The following USP34 variants were observed in gnomAD, a reference collection of about 807,000 sequenced individuals.
USP34 encodes the protein ubiquitin carboxyl-terminal hydrolase 34.
A neutral mutation model predicts 460.3 loss-of-function variants in USP34; 70 were observed. The ratio of observed to expected loss-of-function variants is 0.15; its 90% CI spans 0.13 to 0.19. USP34 has a LOEUF of 0.19. Among genes scored for constraint, USP34 ranks in the 10% least tolerant of loss-of-function variants. The probability of loss-of-function intolerance (pLI) is 1.00; values close to 1 mark genes in which losing one functional copy is unlikely to be tolerated. For synonymous variants in USP34, 1,647 were observed against 1,405.3 expected, an observed-to-expected ratio of 1.17 and a Z score of -3.85; for missense variants, 3,985 against 4,236.2, an observed-to-expected ratio of 0.94 and a Z score of 1.65.
At chr2:61,349,669 T>C (rs541449978) in intron 12 of USP34, among the ~76,000 whole-genome samples, 8 of 152,010 alleles carry the variant, frequency 5.3e-5, no homozygotes, top group African/African-American at 1.9e-4. Flanking sequence ...TGAAACCCCG[T>C]CTCTACTAAA....
chr2:61,340,991 A>G (rs1052414997), intron 16 of USP34, among the ~76,000 whole-genome samples: 5 of 152,038 alleles, frequency 3.3e-5, no homozygotes, highest in African/African-American at 7.2e-5. Context: ...ATCCTTTACA[A>G]TCAGTCCCCA....
chr2:61,216,154 G>T (rs933586808), intron 67 of USP34, among the ~76,000 whole-genome samples: 2 of 152,044 alleles, frequency 1.3e-5, no homozygotes, highest in Non-Finnish European at 1.5e-5. Flanking sequence ...CCATTTTCTA[G>T]ATATTTCTTT....
intron 57 of USP34, among the ~76,000 whole-genome samples, chr2:61,234,382 G>A (rs147732428): frequency 1.3e-5 from 2 of 152,290 alleles, no homozygotes; most frequent in Non-Finnish European, 2.9e-5. Context: ...ATATGATTAA[G>A]CTGTCATTAC....
chr2:61,413,371 T>C (rs1694099884), intron 2 of USP34, among the ~76,000 whole-genome samples: 1 of 150,560 alleles, frequency 6.6e-6, no homozygotes, highest in African/African-American at 2.5e-5. Context: ...ATCCTGGCAA[T>C]ACAGTGAGAC....
At chr2:61,438,388 G>C (rs998275897) in intron 1 of USP34, among the ~76,000 whole-genome samples, 37 of 152,142 alleles carry the variant, frequency 2.4e-4, no homozygotes, top group African/African-American at 8.9e-4. Context: ...CAAGGCAGGC[G>C]GATCACTTGA....
chr2:61,358,116 T>C (rs952202489), intron 10 of USP34, among the ~76,000 whole-genome samples: 4 of 152,026 alleles, frequency 2.6e-5, no homozygotes, highest in African/African-American at 9.6e-5. Flanking sequence ...CACTTGAACC[T>C]GGGAGGCGGA....
At chr2:61,450,949 G>A (rs556489853) in intron 1 of USP34, among the ~76,000 whole-genome samples, 1 of 151,492 alleles carries the variant, frequency 6.6e-6, no homozygotes, top group African/African-American at 2.4e-5. Context: ...GCCAGGCACG[G>A]TGGCTCACAC....
At chr2:61,220,836 A>G (rs913558465) in intron 66 of USP34, among the ~76,000 whole-genome samples, 17 of 152,192 alleles carry the variant, frequency 1.1e-4, no homozygotes, top group Non-Finnish European at 2.2e-4. Context: ...AGAATACAAG[A>G]AGCTCGCTGT....
Position 61,420,809 on chromosome 2 carries a change from C to T in USP34, c.68G>A (p.Gly23Glu). The change falls in exon 2 of 80, where the codon GGA (glycine) becomes GAA (glutamate). Residue 23 changes from glycine (G) to glutamate (E), a missense_variant. Gly to Glu is a moderately conservative substitution (Grantham distance 98). Around this residue, in one of 14 missense-constraint regions of USP34, gnomAD observed 331 missense variants for 293.7 expected, o/e 1.13. Coordinates refer to ENST00000398571, the MANE Select transcript of USP34 (RefSeq NM_014709.4). Reference protein sequence around the residue: ...NEISDVEGGDGLQLRKEHTLK... With the variant: ...NEISDVEGGDELQLRKEHTLK... Reference sequence around the variant, plus strand: ...AGTATGTTCCTTTCTGAGCTGCAGTCCATCACCACCTTCTACATCTGATAC... The same window carrying T: ...AGTATGTTCCTTTCTGAGCTGCAGTTCATCACCACCTTCTACATCTGATAC... 3 of 1,610,088 alleles carry T rather than the reference C, an allele frequency of 1.9e-6. No homozygotes were observed. Among genetic ancestry groups the T allele is most frequent in the Non-Finnish European group, 2.5e-6 (3 of 1,177,960 alleles).
At chr2:61,232,870 C>CCCTTTT in intron 57 of USP34, among the ~76,000 whole-genome samples, 1 of 86,758 alleles carries the variant, frequency 1.2e-5, no homozygotes. Flanking sequence ...TCCCCCCCCC[C>CCCTTTT]TTTTTTTTTT....
At chr2:61,250,798 G>A (rs1052207715) in intron 48 of USP34, among the ~76,000 whole-genome samples, 4 of 152,104 alleles carry the variant, frequency 2.6e-5, no homozygotes, top group Non-Finnish European at 5.9e-5. Context: ...AAATCAGGCC[G>A]ATCTACAATT....
chr2:61,339,815 C>T, intron 16 of USP34, 134 bp from the exon 17 acceptor site: 2 of 446,508 alleles, frequency 4.5e-6, no homozygotes, highest in Non-Finnish European at 7.5e-6. Context: ...CACATTAGCA[C>T]AATATTTTGT....
chr2:61,219,681 A>G (rs1361813727), intron 67 of USP34, among the ~76,000 whole-genome samples: 1 of 152,098 alleles, frequency 6.6e-6, no homozygotes, highest in African/African-American at 2.4e-5. Flanking sequence ...AAAAAAAAAA[A>G]AAAAAAATTC....
chr2:61,350,932 A>G (rs113604976), intron 10 of USP34, among the ~76,000 whole-genome samples: 2,250 of 152,312 alleles, frequency 0.015, 67 homozygotes, highest in African/African-American at 0.051. Flanking sequence ...TCCTAATTAT[A>G]AGAGGGAAGG....
intron 29 of USP34, among the ~76,000 whole-genome samples, chr2:61,297,292 C>G (rs891328011): frequency 3.9e-5 from 6 of 152,198 alleles, no homozygotes; most frequent in African/African-American, 1.4e-4. Context: ...ACAATAAAGA[C>G]TGGGTGAATT....
intron 1 of USP34, among the ~76,000 whole-genome samples, chr2:61,428,253 A>C (rs1211934432): frequency 6.6e-6 from 1 of 151,988 alleles, no homozygotes; most frequent in Non-Finnish European, 1.5e-5. Flanking sequence ...AAAAAAAAAA[A>C]AAAAAAGTGA....
intron 1 of USP34, among the ~76,000 whole-genome samples, chr2:61,436,505 A>G (rs539508534): frequency 2.4e-4 from 37 of 152,340 alleles, no homozygotes; most frequent in African/African-American, 8.4e-4. Context: ...GTAAGGGGAT[A>G]TAAGAATTGT....
rs188082016 is a variant in USP34 at position 61,404,294 on chromosome 2, G to A, written c.552+1414C>T. ...AAAAACAAACAAAAAAAATGTCATA[G>A]ATTCTCTAATGGCCATAATTCTTCA... On this transcript the variant is annotated intron_variant, in intron 3 of 79. Transcript: ENST00000398571. Among the ~76,000 whole-genome samples the A allele has an allele frequency of 1.1e-4, 17 of 152,180 alleles. No homozygotes were observed. The East Asian group carries it at 2.5e-3, about 22-fold the overall frequency.
intron 1 of USP34, among the ~76,000 whole-genome samples, chr2:61,455,997 C>T (rs547977743): frequency 6.6e-6 from 1 of 152,228 alleles, no homozygotes; most frequent in Admixed American, 6.5e-5. Flanking sequence ...CATCCTACTG[C>T]CTCATCTGTA....
Sources: gnomAD v4.1 joint callset for allele counts (sites outside exome capture counted in the v4.1 genomes callset) on GRCh38, gnomAD v4.1.1 for gene constraint, gnomAD v4.1.1 regional missense constraint, MANE v1.5 for transcripts, NCBI Gene and HGNC (gene_info 2026-07-23, HGNC 2026-07-21) for gene names.